The following CMKLR1 variants were observed in gnomAD, a reference collection of about 807,000 sequenced individuals.
CMKLR1 encodes the protein chemerin chemokine-like receptor 1, also known as chemerin-like receptor 1.
Under a neutral mutation model 8.2 loss-of-function variants are expected in CMKLR1, and 6 were observed. That is an observed-to-expected ratio of 0.73 (90% CI 0.40 to 1.44). The LOEUF (loss-of-function observed/expected upper bound fraction) is 1.44. CMKLR1 is among the 40% of genes most tolerant of loss of function. The pLI, the probability that CMKLR1 is intolerant of heterozygous loss-of-function variation, is 0.02. For synonymous variants in CMKLR1, 178 were observed against 181.2 expected, an observed-to-expected ratio of 0.98 and a Z score of 0.14; for missense variants, 429 against 478.0, an observed-to-expected ratio of 0.90 and a Z score of 0.96.
At position 108,290,906 on chromosome 12, in the gene CMKLR1, G is replaced by A. The variant is rs1196134738; in HGVS notation, c.*935C>T. ...CAGAATGAGAAGCCCCACCACCAGT[G>A]TTTTATTCTAAGCACCTCCAGCCAG... On this transcript the variant is annotated 3_prime_UTR_variant, in exon 4 of 4. Coordinates refer to ENST00000550402, the MANE Select transcript of CMKLR1 (RefSeq NM_001142343.2). 6.6e-6 allele frequency: 1 copy of A among 152,242 alleles called. No homozygotes were observed. Among genetic ancestry groups the A allele is most frequent in the Non-Finnish European group, 1.5e-5 (1 of 68,066 alleles). 9.4% of individuals were successfully genotyped at this position (152,242 alleles called of 1,614,324 possible).
At chr12:108,337,821 T>G (rs1892265087) in intron 1 of CMKLR1, among the ~76,000 whole-genome samples, 1 of 152,136 alleles carries the variant, frequency 6.6e-6, no homozygotes, top group African/African-American at 2.4e-5. Context: ...CCAAGCTGCC[T>G]CCTCCTGCAC....
chr12:108,333,476 C>T (rs545922976), intron 1 of CMKLR1, among the ~76,000 whole-genome samples: 33 of 152,290 alleles, frequency 2.2e-4, no homozygotes, highest in Admixed American at 9.8e-4. Flanking sequence ...ACCAGACACC[C>T]AGATGTGCAA....
In CMKLR1 at chr12:108,291,056, C is replaced by A. The variant is rs146662932; in HGVS notation, c.*785G>T. The A allele has an allele frequency of 6.6e-6, 1 of 152,454 alleles. No homozygotes were observed. Among genetic ancestry groups the A allele is most frequent in the Non-Finnish European group, 1.5e-5 (1 of 68,108 alleles). The allele number at this position is 152,454 out of a possible 1,614,324, so 9.4% of individuals were successfully genotyped here. A position where few individuals can be genotyped will look rare whatever the true frequency, so the allele number is the denominator to read the frequency against. ...AAGGTGAGATCAGGGGCTGGCACCA[C>A]CCTGACGCCCCAAATAGCTCCAGCC... is the stretch of plus-strand genomic sequence containing the variant. On this transcript the variant is annotated 3_prime_UTR_variant, in exon 4 of 4. Transcript: ENST00000550402.
chr12:108,296,014 C>T (rs1891123746), intron 2 of CMKLR1, among the ~76,000 whole-genome samples: 1 of 152,226 alleles, frequency 6.6e-6, no homozygotes, highest in Non-Finnish European at 1.5e-5. Context: ...TTCGTGTCCC[C>T]TGTTGGTGCA....
rs150613337 is a variant in CMKLR1 at position 108,311,710 on chromosome 12, C to T, written c.-73-18046G>A. Among the ~76,000 whole-genome samples, 799 of 152,294 alleles carry T rather than the reference C, an allele frequency of 5.2e-3. 4 individuals carry two copies. The highest frequency in any genetic ancestry group is 9.8e-3 in the Non-Finnish European group (665 of 68,028). The stretch of plus-strand genomic sequence containing the variant: ...GAGAGCTGGTGGAGGCAAGAGGCAA[C>T]AGGAGGAAGGGTGGGCCACTGAGCA... On this transcript the variant is annotated intron_variant, in intron 2 of 3. Transcript: ENST00000550402.
At chr12:108,295,330 G>C (rs1891106043) in intron 2 of CMKLR1, among the ~76,000 whole-genome samples, 1 of 152,232 alleles carries the variant, frequency 6.6e-6, no homozygotes, top group South Asian at 2.1e-4. Context: ...TGCAAAGCCT[G>C]AGCTCTTAAC....
chr12:108,314,812 G>C lies in CMKLR1; in HGVS notation c.-74+15183C>G, dbSNP rs575614851. Among the ~76,000 whole-genome samples the C allele has an allele frequency of 2.0e-5, 3 of 152,038 alleles. No homozygotes were observed. In the East Asian group the frequency reaches 5.8e-4, roughly 29 times the overall value. Reference sequence around the variant, plus strand: ...TTGCTATATTGCCCAAGCTGGTCTTGAATTTCTGGCCTCAAGCTATCCTCC... The same window carrying C: ...TTGCTATATTGCCCAAGCTGGTCTTCAATTTCTGGCCTCAAGCTATCCTCC... On this transcript the variant is annotated intron_variant, in intron 2 of 3. Transcript: ENST00000550402.
rs1336576800 is a variant in CMKLR1 at position 108,289,656 on chromosome 12, G to A, written c.*2185C>T. On this transcript the variant is annotated 3_prime_UTR_variant, in exon 4 of 4. Transcript: ENST00000550402. ...AGGTCCCATCCCATCTCGTGCCTCA[G>A]TAAATGTGGGAAGAGGGGAGATGGG... 1.3e-5 allele frequency: 2 copies of A among 152,272 alleles called. No homozygotes were observed. Among genetic ancestry groups the A allele is most frequent in the East Asian group, 3.8e-4 (2 of 5,198 alleles). 9.4% of individuals were successfully genotyped at this position (152,272 alleles called of 1,614,324 possible). A position where few individuals can be genotyped will look rare whatever the true frequency, so the allele number is the denominator to read the frequency against.
chr12:108,319,122 T>C (rs1891798939), intron 2 of CMKLR1, among the ~76,000 whole-genome samples: 1 of 152,204 alleles, frequency 6.6e-6, no homozygotes, highest in South Asian at 2.1e-4. Flanking sequence ...CTGGCCTCCA[T>C]GCCCTTTGCC....
chr12:108,334,093 C>T (rs555195226), intron 1 of CMKLR1, among the ~76,000 whole-genome samples: 9 of 152,374 alleles, frequency 5.9e-5, no homozygotes, highest in South Asian at 4.1e-4. Context: ...GGGAATGTCA[C>T]GTAACCAATC....
chr12:108,337,025 G>C (rs192802923), intron 1 of CMKLR1, among the ~76,000 whole-genome samples: 15 of 152,304 alleles, frequency 9.8e-5, no homozygotes, highest in African/African-American at 3.6e-4. Flanking sequence ...GCAGGTGGCA[G>C]GCCAATTCAA....
At chr12:108,295,604 T>C (rs1891113029) in intron 2 of CMKLR1, among the ~76,000 whole-genome samples, 1 of 152,220 alleles carries the variant, frequency 6.6e-6, no homozygotes, top group African/African-American at 2.4e-5. Context: ...AGTCTGAAGC[T>C]TCCTGGGGCC....
intron 2 of CMKLR1, among the ~76,000 whole-genome samples, chr12:108,313,306 G>A (rs1388820980): frequency 1.3e-5 from 2 of 148,336 alleles, no homozygotes; most frequent in Non-Finnish European, 3.0e-5. Context: ...AAAGCTGCTC[G>A]AAGACCAGAG....
chr12:108,317,093 G>A (rs944482342), intron 2 of CMKLR1, among the ~76,000 whole-genome samples: 3 of 152,180 alleles, frequency 2.0e-5, no homozygotes, highest in African/African-American at 7.2e-5. Context: ...ATGAGCCACT[G>A]TACCCAGCCT....
At chr12:108,298,069 G>A (rs938394154) in intron 2 of CMKLR1, among the ~76,000 whole-genome samples, 4 of 152,098 alleles carry the variant, frequency 2.6e-5, no homozygotes, top group Admixed American at 6.5e-5. Context: ...TTGCTTTCTC[G>A]TTCTTGATCA....
chr12:108,322,730 A>G (rs1203735555), intron 2 of CMKLR1, among the ~76,000 whole-genome samples: 2 of 152,028 alleles, frequency 1.3e-5, no homozygotes, highest in Non-Finnish European at 1.5e-5. Context: ...CCATGAATGG[A>G]TGCTCCCTGA....
intron 2 of CMKLR1, among the ~76,000 whole-genome samples, chr12:108,298,650 G>T (rs971764833): frequency 1.3e-5 from 2 of 152,178 alleles, no homozygotes; most frequent in Admixed American, 6.5e-5. Context: ...ACACACGGGG[G>T]TTACTCACCA....
chr12:108,316,404 GA>G (rs1891733860), intron 2 of CMKLR1, among the ~76,000 whole-genome samples: 1 of 152,212 alleles, frequency 6.6e-6, no homozygotes, highest in African/African-American at 2.4e-5. Context: ...AGAGGGGGAA[GA>G]GGGGCAGGGA....
Position 108,289,393 on chromosome 12 carries a change from A to C in CMKLR1, c.*2448T>G, listed in dbSNP as rs1164903411. On this transcript the variant is annotated 3_prime_UTR_variant, in exon 4 of 4. Coordinates refer to ENST00000550402, the MANE Select transcript of CMKLR1 (RefSeq NM_001142343.2). ...TGGGATGTTAAGGCTGCATTTAAGT[A>C]CTTGACAGGAACCTAAGTCAGAACA... is the stretch of plus-strand genomic sequence containing the variant. 2.6e-5 allele frequency: 4 copies of C among 152,330 alleles called. No homozygotes were observed. Among genetic ancestry groups the C allele is most frequent in the Non-Finnish European group, 2.9e-5 (2 of 68,098 alleles). The allele number at this position is 152,330 out of a possible 1,614,324, so 9.4% of individuals were successfully genotyped here.
Sources: gnomAD v4.1 joint callset for allele counts (sites outside exome capture counted in the v4.1 genomes callset) on GRCh38, gnomAD v4.1.1 for gene constraint, MANE v1.5 for transcripts, NCBI Gene and HGNC (gene_info 2026-07-23, HGNC 2026-07-21) for gene names.